The following ARHGAP22 variants were observed in gnomAD, a reference collection of about 807,000 sequenced individuals.
ARHGAP22 encodes the protein rho GTPase-activating protein 22.
ARHGAP22 carries 48 observed loss-of-function variants against 59.1 expected under a neutral mutation model. The ratio of observed to expected loss-of-function variants is 0.81; its 90% CI spans 0.64 to 1.03. ARHGAP22 has a LOEUF of 1.03. Among genes scored for constraint, ARHGAP22 ranks in the 50% least tolerant of loss-of-function variants. ARHGAP22 has a pLI of 0.00. For synonymous variants in ARHGAP22, 445 were observed against 416.4 expected, an observed-to-expected ratio of 1.07 and a Z score of -0.84; for missense variants, 1,015 against 958.7, an observed-to-expected ratio of 1.06 and a Z score of -0.78.
rs775638698 is a variant in ARHGAP22, at chr10:48,604,728, C to A, written c.34+35G>T. 1.1e-5 allele frequency: 18 copies of A among 1,614,076 alleles called. No individual in the cohort carries two copies. The East Asian group carries it at 3.8e-4, about 34-fold the overall frequency. ...GCGCACGTTTGCCAAGAGGCACATG[C>A]GGTGCCCAGAGAAACCCCAGAAAGT... On this transcript the variant is annotated intron_variant, in intron 1 of 9. Coordinates refer to ENST00000249601, the MANE Select transcript of ARHGAP22 (RefSeq NM_021226.4).
downstream of ARHGAP22, among the ~76,000 whole-genome samples, chr10:48,442,190 T>C (rs2045218705): frequency 6.6e-6 from 1 of 152,222 alleles, no homozygotes; most frequent in African/African-American, 2.4e-5. Flanking sequence ...CCTCACTGGC[T>C]GCCTCACTCC....
At chr10:48,597,632 C>T (rs1050593863) in intron 1 of ARHGAP22, among the ~76,000 whole-genome samples, 2 of 152,180 alleles carry the variant, frequency 1.3e-5, no homozygotes, top group Non-Finnish European at 2.9e-5. Context: ...CTGTTTCTTG[C>T]TCCCGCAGGC....
At chr10:48,631,165 G>T (rs2061615282) in intron 1 of ARHGAP22, among the ~76,000 whole-genome samples, 1 of 152,134 alleles carries the variant, frequency 6.6e-6, no homozygotes, top group African/African-American at 2.4e-5. Flanking sequence ...CCACTTGGTT[G>T]TGGTATATAA....
intron 4 of ARHGAP22, chr10:48,479,263 A>T: frequency 3.5e-6 from 1 of 287,950 alleles, no homozygotes; most frequent in Non-Finnish European, 6.5e-6. Flanking sequence ...ACTGAGCTTC[A>T]ATGGCTTTGT....
rs537148525 is a variant in ARHGAP22, at chr10:48,577,089, G to A, written c.234+5864C>T. Among the ~76,000 whole-genome samples the A allele has an allele frequency of 4.0e-5, 6 of 151,750 alleles. No individual in the cohort carries two copies. In the South Asian group the frequency reaches 1.0e-3, roughly 26 times the overall value. ...TCTTTTTCTAAAACTCCTTCTATTCGGACATTGGGTTGTCTCTCTTATTGT... is the reference window on the plus strand; with the variant it reads ...TCTTTTTCTAAAACTCCTTCTATTCAGACATTGGGTTGTCTCTCTTATTGT... On this transcript the variant is annotated intron_variant, in intron 2 of 9. Coordinates refer to ENST00000249601, the MANE Select transcript of ARHGAP22 (RefSeq NM_021226.4).
intron 3 of ARHGAP22, among the ~76,000 whole-genome samples, chr10:48,542,812 G>C (rs2056083890): frequency 1.3e-5 from 2 of 152,224 alleles, no homozygotes; most frequent in African/African-American, 4.8e-5. Flanking sequence ...ACACCCTTGG[G>C]GGTGGCCTGT....
chr10:48,441,968 C>T (rs976174980), downstream of ARHGAP22, among the ~76,000 whole-genome samples: 2 of 152,192 alleles, frequency 1.3e-5, no homozygotes, highest in Non-Finnish European at 2.9e-5. Flanking sequence ...AGAGCCTGTC[C>T]TACTGGAGAT....
At chr10:48,588,138 C>T (rs1385776151) in intron 1 of ARHGAP22, among the ~76,000 whole-genome samples, 2 of 152,144 alleles carry the variant, frequency 1.3e-5, no homozygotes, top group Non-Finnish European at 2.9e-5. Flanking sequence ...CATCAGGCCT[C>T]CTGAGAGCTT....
intron 3 of ARHGAP22, among the ~76,000 whole-genome samples, chr10:48,495,443 C>T (rs540072740): frequency 2.3e-4 from 35 of 152,346 alleles, no homozygotes; most frequent in Admixed American, 1.5e-3. Context: ...GGTCACATGA[C>T]TAATAAGATG....
intron 3 of ARHGAP22, among the ~76,000 whole-genome samples, chr10:48,488,153 G>C (rs1192431496): frequency 6.6e-6 from 1 of 152,196 alleles, no homozygotes; most frequent in Non-Finnish European, 1.5e-5. Flanking sequence ...ATGTTAGTGT[G>C]TCTAATCTGC....
At chr10:48,526,272 G>A (rs1200716006) in intron 3 of ARHGAP22, among the ~76,000 whole-genome samples, 2 of 152,214 alleles carry the variant, frequency 1.3e-5, no homozygotes, top group East Asian at 3.8e-4. Context: ...GGTTTTCCCA[G>A]GAGTTAAGTC....
chr10:48,498,894 G>A (rs907242828), intron 3 of ARHGAP22, among the ~76,000 whole-genome samples: 1 of 152,110 alleles, frequency 6.6e-6, no homozygotes, highest in Non-Finnish European at 1.5e-5. Flanking sequence ...TATTTTACAG[G>A]CTGCCCTAAG....
intron 4 of ARHGAP22, among the ~76,000 whole-genome samples, chr10:48,478,362 TGA>T (rs2048941299): frequency 6.6e-6 from 1 of 152,178 alleles, no homozygotes; most frequent in African/African-American, 2.4e-5. Context: ...CTCTTCCTTG[TGA>T]GGGATTTATC....
chr10:48,607,613 C>T (rs2060726478), upstream of ARHGAP22, among the ~76,000 whole-genome samples: 1 of 152,142 alleles, frequency 6.6e-6, no homozygotes, highest in Non-Finnish European at 1.5e-5. Flanking sequence ...AACATGTGAC[C>T]TCCTATAAGC....
chr10:48,624,691 T>G (rs892229533), intron 1 of ARHGAP22, among the ~76,000 whole-genome samples: 3 of 152,230 alleles, frequency 2.0e-5, no homozygotes, highest in African/African-American at 7.2e-5. Context: ...ATGATTGGGT[T>G]AACCAGAAGA....
intron 3 of ARHGAP22, among the ~76,000 whole-genome samples, chr10:48,488,676 T>G (rs1225381946): frequency 1.3e-5 from 2 of 152,236 alleles, no homozygotes. Flanking sequence ...TTTTACGGTC[T>G]TGCAGGCAGG....
chr10:48,600,418 C>T (rs758799213), intron 1 of ARHGAP22, among the ~76,000 whole-genome samples: 1 of 152,054 alleles, frequency 6.6e-6, no homozygotes, highest in Non-Finnish European at 1.5e-5. Flanking sequence ...AAGGAAAATG[C>T]TTTATATCTT....
chr10:48,519,537 C>T (rs1589898734), intron 3 of ARHGAP22, among the ~76,000 whole-genome samples: 1 of 152,194 alleles, frequency 6.6e-6, no homozygotes, highest in South Asian at 2.1e-4. Flanking sequence ...CCTGTCTCTG[C>T]CCACACTCTG....
chr10:48,446,687 A>G, intron 9 of ARHGAP22, 68 bp from the exon 10 acceptor site: 1 of 1,477,724 alleles, frequency 6.8e-7, no homozygotes, highest in Non-Finnish European at 9.2e-7. Flanking sequence ...TGGGTATACC[A>G]TGCTTGTGCT....
Sources: gnomAD v4.1 joint callset for allele counts (sites outside exome capture counted in the v4.1 genomes callset) on GRCh38, gnomAD v4.1.1 for gene constraint, MANE v1.5 for transcripts, NCBI Gene and HGNC (gene_info 2026-07-23, HGNC 2026-07-21) for gene names.